CADPS2: variants seen among roughly 807,000 people sequenced by gnomAD.
CADPS2 encodes calcium-dependent secretion activator 2.
A neutral mutation model predicts 172.5 loss-of-function variants in CADPS2; 93 were observed. The observed-to-expected ratio is 0.54, with a 90% CI of 0.46 to 0.64. CADPS2 has a LOEUF of 0.64. Ranked by LOEUF, CADPS2 falls within the 30% of genes least tolerant of loss-of-function variation. The probability of loss-of-function intolerance (pLI) is 0.00; values close to 1 mark genes in which losing one functional copy is unlikely to be tolerated. For synonymous variants in CADPS2, 546 were observed against 555.2 expected, an observed-to-expected ratio of 0.98 and a Z score of 0.23; for missense variants, 1,420 against 1,565.9, an observed-to-expected ratio of 0.91 and a Z score of 1.57.
chr7:122,667,639 C>T (rs1272312918), intron 2 of CADPS2, among the ~76,000 whole-genome samples: 3 of 151,928 alleles, frequency 2.0e-5, no homozygotes, highest in African/African-American at 7.3e-5. Flanking sequence ...GCGACAGCAG[C>T]AATGGAAACC....
intron 8 of CADPS2, among the ~76,000 whole-genome samples, chr7:122,519,231 T>C (rs567349619): frequency 1.3e-5 from 2 of 152,176 alleles, no homozygotes; most frequent in Admixed American, 1.3e-4. Context: ...ACTTTTTCTA[T>C]TGAACTATTT....
chr7:122,833,765 G>GGT (rs1807370195), intron 1 of CADPS2, among the ~76,000 whole-genome samples: 3 of 152,090 alleles, frequency 2.0e-5, no homozygotes, highest in South Asian at 2.1e-4. Flanking sequence ...AAAGGTAAAA[G>GGT]ATAAGAGTAT....
At chr7:122,367,539 GTTTTTT>G (rs202155427) in intron 25 of CADPS2, among the ~76,000 whole-genome samples, 2,434 of 100,706 alleles carry the variant, frequency 0.024, 97 homozygotes, top group African/African-American at 0.097. Context: ...CCTTCCCCCA[GTTTTTT>G]TTTTTTTTTT....
intron 2 of CADPS2, among the ~76,000 whole-genome samples, chr7:122,690,941 G>A (rs920855867): frequency 1.3e-5 from 2 of 152,072 alleles, no homozygotes; most frequent in Non-Finnish European, 2.9e-5. Context: ...ATTAGGAATG[G>A]GGGGATACCA....
At chr7:122,416,986 C>G (rs529391447) in intron 17 of CADPS2, among the ~76,000 whole-genome samples, 1 of 152,106 alleles carries the variant, frequency 6.6e-6, no homozygotes, top group African/African-American at 2.4e-5. Flanking sequence ...TAAATGTTGT[C>G]GGGGATTCAT....
chr7:122,524,354 T>C (rs1424021468), intron 8 of CADPS2, among the ~76,000 whole-genome samples: 1 of 152,154 alleles, frequency 6.6e-6, no homozygotes, highest in Middle Eastern at 3.2e-3. Context: ...TCTCCCTTTT[T>C]CATATTCAGA....
chr7:122,446,294 GT>G (rs2151996530), intron 15 of CADPS2, among the ~76,000 whole-genome samples: 1 of 152,210 alleles, frequency 6.6e-6, no homozygotes, highest in East Asian at 1.9e-4. Flanking sequence ...GCTGGAGATA[GT>G]TTTGTCTTGT....
chr7:122,358,103 T>C (rs2039655754), intron 27 of CADPS2, among the ~76,000 whole-genome samples: 1 of 152,132 alleles, frequency 6.6e-6, no homozygotes, highest in South Asian at 2.1e-4. Flanking sequence ...GAATGAGAGT[T>C]CCTGTTGCTC....
At position 122,627,839 on chromosome 7, in the gene CADPS2, T is replaced by C. The variant is rs1235524749; in HGVS notation, c.867+1409A>G. ...AAAGCAATTTCTTTTCCAGCCAGGC[T>C]CAATACAGGATAGGACTTGGCATTA... is the stretch of plus-strand genomic sequence containing the variant. On this transcript the variant is annotated intron_variant, in intron 4 of 29. Transcript: ENST00000449022. 2.6e-5 allele frequency among the ~76,000 whole-genome samples: 4 copies of C among 152,284 alleles called. 1 individual carries two copies. The East Asian group carries it at 7.7e-4, about 29-fold the overall frequency.
At position 122,360,992 on chromosome 7, in the gene CADPS2, C is replaced by G. The variant is rs200984050; in HGVS notation, c.3409G>C (p.Val1137Leu). The change falls in exon 26 of 30, where the codon GTG (valine) becomes CTG (leucine). Residue 1137 changes from valine to leucine, a missense_variant. Coordinates refer to ENST00000449022, the MANE Select transcript of CADPS2 (RefSeq NM_017954.11). ...TCATACCTTGACAGCTTAGACAACACGCCTTCCAACACTGAAACAAACTAT... is the reference window on the plus strand; with the variant it reads ...TCATACCTTGACAGCTTAGACAACAGGCCTTCCAACACTGAAACAAACTAT... ...VSKFVSVLEG[V>L]LSKLSRYDEG... is the part of the protein sequence containing the mutation. 6.2e-7 allele frequency: 1 copy of G among 1,613,564 alleles called. No individual in the cohort carries two copies. The highest frequency in any genetic ancestry group is 1.1e-5 in the South Asian group (1 of 91,040).
At position 122,607,575 on chromosome 7, in the gene CADPS2, T is replaced by C. The variant is rs75831117; in HGVS notation, c.1223+7606A>G. On this transcript the variant is annotated intron_variant, in intron 6 of 29. Transcript: ENST00000449022. ...ATAATTCTATAAACTTTCTCCCAAA[T>C]TTTCTCATGCTGTTTTTCACTGGAG... is the stretch of plus-strand genomic sequence containing the variant. Among the ~76,000 whole-genome samples, 1,106 of 152,292 alleles carry C rather than the reference T, an allele frequency of 7.3e-3. 15 individuals carry two copies. The highest frequency in any genetic ancestry group is 0.026 in the African/African-American group (1,061 of 41,570).
chr7:122,791,947 T>C (rs1795377981), intron 1 of CADPS2, among the ~76,000 whole-genome samples: 1 of 152,214 alleles, frequency 6.6e-6, no homozygotes, highest in African/African-American at 2.4e-5. Context: ...TTTGATGTCC[T>C]AAGGGAACCA....
intron 7 of CADPS2, among the ~76,000 whole-genome samples, chr7:122,568,768 G>C (rs914794450): frequency 1.3e-5 from 2 of 152,090 alleles, no homozygotes; most frequent in Non-Finnish European, 2.9e-5. Flanking sequence ...TTCCAACTTT[G>C]GGTTTGGTGA....
chr7:122,786,657 C>A (rs146922328), intron 1 of CADPS2, among the ~76,000 whole-genome samples: 39 of 152,128 alleles, frequency 2.6e-4, no homozygotes, highest in African/African-American at 9.4e-4. Flanking sequence ...ACTACTGTTA[C>A]GAGTTTCGTG....
At chr7:122,484,008 T>C (rs2057555013) in intron 11 of CADPS2, among the ~76,000 whole-genome samples, 1 of 152,084 alleles carries the variant, frequency 6.6e-6, no homozygotes, top group Non-Finnish European at 1.5e-5. Context: ...GAAGACTCAA[T>C]ATTAAGAAGT....
intron 2 of CADPS2, among the ~76,000 whole-genome samples, chr7:122,725,733 G>T (rs1053151226): frequency 6.6e-6 from 1 of 151,804 alleles, no homozygotes; most frequent in Non-Finnish European, 1.5e-5. Flanking sequence ...GTTTGAGGCT[G>T]CAGTGAGCTT....
chr7:122,677,731 T>G (rs2082535923), intron 2 of CADPS2, among the ~76,000 whole-genome samples: 1 of 151,238 alleles, frequency 6.6e-6, no homozygotes, highest in Non-Finnish European at 1.5e-5. Context: ...TGTGGAAGAG[T>G]CAAGATTTAA....
intron 8 of CADPS2, among the ~76,000 whole-genome samples, chr7:122,517,974 T>A (rs1398605879): frequency 6.6e-6 from 1 of 152,038 alleles, no homozygotes; most frequent in Non-Finnish European, 1.5e-5. Flanking sequence ...TTGTTGTTGT[T>A]GTTTCTTAAT....
intron 5 of CADPS2, among the ~76,000 whole-genome samples, chr7:122,620,357 T>C (rs1184080279): frequency 6.6e-6 from 1 of 152,186 alleles, no homozygotes; most frequent in Non-Finnish European, 1.5e-5. Context: ...CTAATTATTA[T>C]GTTATAATCT....
Sources: allele counts gnomAD v4.1 joint callset (sites outside exome capture counted in the v4.1 genomes callset), GRCh38; gene constraint gnomAD v4.1.1; transcripts MANE v1.5; gene names NCBI Gene and HGNC (gene_info 2026-07-23, HGNC 2026-07-21).